EMSY: variants seen among roughly 807,000 people sequenced by gnomAD.
The protein encoded by EMSY is BRCA2-interacting transcriptional repressor EMSY.
A neutral mutation model predicts 134.6 loss-of-function variants in EMSY; 26 were observed. The observed-to-expected ratio is 0.19, with a 90% confidence interval of 0.14 to 0.27. EMSY has a LOEUF of 0.27. Among genes scored for constraint, EMSY ranks in the 10% least tolerant of loss-of-function variants. The pLI, the probability that EMSY is intolerant of heterozygous loss-of-function variation, is 1.00. For synonymous variants in EMSY, 579 were observed against 577.8 expected (o/e 1.00, Z -0.03); for missense variants, 1,305 against 1,611.4 (o/e 0.81, Z 3.26).
chr11:76,524,652 A>T (rs1358354700), intron 12 of EMSY, among the ~76,000 whole-genome samples: 2 of 152,226 alleles, frequency 1.3e-5, no homozygotes, highest in African/African-American at 2.4e-5. Context: ...GTCATGTATG[A>T]TTCATAGCTG....
At chr11:76,533,902 A>G (rs1411130080) in intron 14 of EMSY, among the ~76,000 whole-genome samples, 1 of 152,208 alleles carries the variant, frequency 6.6e-6, no homozygotes, top group African/African-American at 2.4e-5. Context: ...AGGTCTAAGC[A>G]TAAGCCAAAA....
At chr11:76,547,129 A>C in intron 20 of EMSY, 1 of 448,706 alleles carries the variant, frequency 2.2e-6, no homozygotes. Flanking sequence ...GACATTTGTC[A>C]TTCTTTGCTA....
At chr11:76,457,054 A>G (rs1427370690) in intron 4 of EMSY, among the ~76,000 whole-genome samples, 2 of 152,140 alleles carry the variant, frequency 1.3e-5, no homozygotes. Flanking sequence ...TAATAATACT[A>G]CCAAATTCAT....
At chr11:76,489,917 CT>C (rs1303369101) in intron 8 of EMSY, among the ~76,000 whole-genome samples, 1 of 152,010 alleles carries the variant, frequency 6.6e-6, no homozygotes, top group African/African-American at 2.4e-5. Flanking sequence ...CTTGATGTAT[CT>C]TTTTTTCATT....
intron 9 of EMSY, among the ~76,000 whole-genome samples, chr11:76,502,732 CA>C: frequency 6.6e-6 from 1 of 152,002 alleles, no homozygotes; most frequent in East Asian, 1.9e-4. Context: ...ATAAATTTAA[CA>C]AAAGAAATAC....
chr11:76,544,907 C>A, intron 19 of EMSY, 85 bp downstream of exon 20: 1 of 1,401,828 alleles, frequency 7.1e-7, no homozygotes, highest in Non-Finnish European at 9.7e-7. Flanking sequence ...ATCATGATAT[C>A]AGTGCTTTCT....
At chr11:76,474,110 T>G in intron 8 of EMSY, among the ~76,000 whole-genome samples, 1 of 109,472 alleles carries the variant, frequency 9.1e-6, no homozygotes. Context: ...ACCAAGACCC[T>G]GTCTCAAAAA....
rs533707330 is a variant in EMSY, at chr11:76,538,724, G to A, written c.2515+774G>A. Among the ~76,000 whole-genome samples the A allele has an allele frequency of 3.9e-4, 60 of 152,248 alleles. 1 individual carries two copies. The highest frequency in any genetic ancestry group is 1.3e-3 in the African/African-American group (52 of 41,546). On this transcript the variant is annotated intron_variant, in intron 16 of 20. Coordinates refer to ENST00000334736, the Ensembl canonical transcript of EMSY. ...TGTAATCCCAGCATTTTGGGAGGCC[G>A]AGGCGGGCAGATTGCTTGAGGTCAG... is the stretch of plus-strand genomic sequence containing the variant.
chr11:76,540,746 A>G (rs1235151203), intron 17 of EMSY, among the ~76,000 whole-genome samples: 1 of 152,242 alleles, frequency 6.6e-6, no homozygotes, highest in East Asian at 1.9e-4. Context: ...ACAGGAAGTC[A>G]GTGCTATTTG....
At chr11:76,492,487 A>G (rs1294886293) in intron 8 of EMSY, among the ~76,000 whole-genome samples, 6 of 152,194 alleles carry the variant, frequency 3.9e-5, no homozygotes. Context: ...ATAAATAAAT[A>G]AATACAATTC....
At chr11:76,463,563 C>G (rs530119838) in intron 6 of EMSY, among the ~76,000 whole-genome samples, 1,622 of 142,364 alleles carry the variant, frequency 0.011, 29 homozygotes, top group African/African-American at 0.038. Context: ...GCGGAGCTTG[C>G]GGTGAGCCGA....
At chr11:76,489,890 C>A in intron 8 of EMSY, among the ~76,000 whole-genome samples, 1 of 152,190 alleles carries the variant, frequency 6.6e-6, no homozygotes, top group East Asian at 1.9e-4. Context: ...AAGGCACAAG[C>A]CACCGTGCCC....
At position 76,539,580 on chromosome 11, in the gene EMSY, C is replaced by A. The variant is rs918020553; in HGVS notation, c.2516-19C>A. ...ACAGATGAAAAGACTATGATTTCTTCCCTTACTTATCCTTTCAGAACGCAC... is the reference window on the plus strand; with the variant it reads ...ACAGATGAAAAGACTATGATTTCTTACCTTACTTATCCTTTCAGAACGCAC... On this transcript the variant is annotated intron_variant, in intron 16 of 20. Coordinates refer to ENST00000334736, the Ensembl canonical transcript of EMSY. The A allele has an allele frequency of 3.1e-6, 5 of 1,612,948 alleles. No individual in the cohort carries two copies. In the African/African-American group the frequency reaches 6.7e-5, roughly 22 times the overall value.
Position 76,536,791 on chromosome 11 carries a change from G to A in EMSY, c.2359+732G>A, listed in dbSNP as rs552521446. Among the ~76,000 whole-genome samples the A allele has an allele frequency of 2.0e-5, 3 of 152,302 alleles. No individual in the cohort carries two copies. The South Asian group carries it at 6.2e-4, about 32-fold the overall frequency. ...GATAAGTAAACTGAGATCTAGAGAG[G>A]TTATCCAGTTGATTAGTGGCAGAGT... On this transcript the variant is annotated intron_variant, in intron 15 of 20. Coordinates refer to ENST00000334736, the Ensembl canonical transcript of EMSY.
intron 11 of EMSY, among the ~76,000 whole-genome samples, chr11:76,521,862 T>C (rs560352066): frequency 1.3e-5 from 2 of 151,394 alleles, no homozygotes; most frequent in Non-Finnish European, 2.9e-5. Flanking sequence ...ACCTAGGAGT[T>C]TGAGACCAGC....
At chr11:76,462,882 T>G (rs1948182121) in intron 6 of EMSY, among the ~76,000 whole-genome samples, 1 of 152,270 alleles carries the variant, frequency 6.6e-6, no homozygotes, top group South Asian at 2.1e-4. Flanking sequence ...ATAGGCATGA[T>G]GAGATGTGAA....
intron 9 of EMSY, among the ~76,000 whole-genome samples, chr11:76,511,519 G>GA (rs1268481449): frequency 6.6e-6 from 1 of 151,998 alleles, no homozygotes; most frequent in Non-Finnish European, 1.5e-5. Flanking sequence ...CCAACATGGT[G>GA]AAACCCTGTC....
chr11:76,525,907 C>T (rs1040245466), intron 12 of EMSY, among the ~76,000 whole-genome samples: 2 of 151,982 alleles, frequency 1.3e-5, no homozygotes, highest in Non-Finnish European at 2.9e-5. Flanking sequence ...GCTGATTTTG[C>T]TTGCCCATAC....
intron 15 of EMSY, 67 bp downstream of exon 16, chr11:76,536,126 A>G (rs1235000889): frequency 4.8e-6 from 5 of 1,042,100 alleles, no homozygotes; most frequent in Non-Finnish European, 6.4e-6. Context: ...CTAAAATACT[A>G]CCACTGTTAT....
Sources: gnomAD v4.1 joint callset for allele counts (sites outside exome capture counted in the v4.1 genomes callset) on GRCh38, gnomAD v4.1.1 for gene constraint, MANE v1.5 for transcripts, NCBI Gene and HGNC (gene_info 2026-07-23, HGNC 2026-07-21) for gene names.